The following RBM47 variants were observed in gnomAD, a reference collection of about 807,000 sequenced individuals.
RBM47 encodes the protein RNA binding motif protein 47, also known as RNA-binding protein 47.
RBM47 carries 21 observed loss-of-function variants against 47.1 expected under a neutral mutation model. The ratio of observed to expected loss-of-function variants is 0.45; its 90% CI spans 0.32 to 0.64. The LOEUF (loss-of-function observed/expected upper bound fraction) is 0.64, where lower values mean the gene tolerates loss of function less well. Ranked by LOEUF, RBM47 falls within the 30% of genes least tolerant of loss-of-function variation. The pLI is 0.05. For synonymous variants in RBM47, 375 were observed against 361.7 expected (o/e 1.04, Z -0.42); for missense variants, 708 against 870.9 (o/e 0.81, Z 2.35).
chr4:40,596,851 A>C (rs778137348), intron 1 of RBM47, among the ~76,000 whole-genome samples: 38 of 152,162 alleles, frequency 2.5e-4, no homozygotes, highest in Admixed American at 8.5e-4. Context: ...GGCTTCAGTT[A>C]TCTCTCCAGT....
chr4:40,538,758 C>CACTT (rs1294988905), intron 2 of RBM47, among the ~76,000 whole-genome samples: 5 of 151,982 alleles, frequency 3.3e-5, no homozygotes, highest in African/African-American at 1.2e-4. Context: ...TGCCTCAGCC[C>CACTT]AAGTAGCTGA....
chr4:40,612,953 C>T lies in RBM47; in HGVS notation c.-240+16443G>A, dbSNP rs549452721. Among the ~76,000 whole-genome samples, 65 of 152,296 alleles carry T rather than the reference C, an allele frequency of 4.3e-4. 1 individual carries two copies. The South Asian group carries it at 0.013, about 31-fold the overall frequency. Reference sequence around the variant, plus strand: ...TCTCTCAGCCAGGAACAACTGCAAACACATTTATTTATCTTTCTTCCCCAA... The same window carrying T: ...TCTCTCAGCCAGGAACAACTGCAAATACATTTATTTATCTTTCTTCCCCAA... On this transcript the variant is annotated intron_variant, in intron 1 of 6. Coordinates refer to ENST00000295971, the MANE Select transcript of RBM47 (RefSeq NM_001098634.2).
chr4:40,532,658 TA>T (rs1195044129), intron 2 of RBM47, among the ~76,000 whole-genome samples: 1 of 98,770 alleles, frequency 1.0e-5, no homozygotes, highest in Non-Finnish European at 1.8e-5. Flanking sequence ...TCTTTTTAAA[TA>T]TTTTTTTCCA....
intron 1 of RBM47, among the ~76,000 whole-genome samples, chr4:40,578,476 T>C (rs1732548614): frequency 6.6e-6 from 1 of 152,224 alleles, no homozygotes; most frequent in Non-Finnish European, 1.5e-5. Flanking sequence ...TTTTGACACA[T>C]AGGATTTTCC....
intron 1 of RBM47, among the ~76,000 whole-genome samples, chr4:40,612,850 G>C (rs565859563): frequency 4.9e-4 from 74 of 152,236 alleles, no homozygotes; most frequent in African/African-American, 1.7e-3. Context: ...ATTCACCTAT[G>C]ATCTTCATCC....
intron 1 of RBM47, among the ~76,000 whole-genome samples, chr4:40,619,013 C>T (rs1480898646): frequency 6.6e-6 from 1 of 152,028 alleles, no homozygotes; most frequent in East Asian, 1.9e-4. Flanking sequence ...GCCATCACCA[C>T]ATCTTGCTAT....
chr4:40,508,561 C>G (rs1724437256), intron 2 of RBM47, among the ~76,000 whole-genome samples: 1 of 152,136 alleles, frequency 6.6e-6, no homozygotes, highest in Admixed American at 6.6e-5. Context: ...TGTGGATGAG[C>G]GTCACCGATA....
intron 1 of RBM47, among the ~76,000 whole-genome samples, chr4:40,599,397 T>C (rs935422299): frequency 6.6e-6 from 1 of 152,162 alleles, no homozygotes; most frequent in Middle Eastern, 3.2e-3. Flanking sequence ...CCCATTTAGG[T>C]TGATCCTTAG....
intron 2 of RBM47, among the ~76,000 whole-genome samples, chr4:40,507,793 A>G (rs1724329545): frequency 6.6e-6 from 1 of 152,102 alleles, no homozygotes; most frequent in African/African-American, 2.4e-5. Flanking sequence ...CTCAAAAAAA[A>G]AGTCCAGAGC....
chr4:40,568,784 C>T (rs944354722), intron 1 of RBM47, among the ~76,000 whole-genome samples: 5 of 151,792 alleles, frequency 3.3e-5, no homozygotes, highest in African/African-American at 1.2e-4. Flanking sequence ...AGTTCGAGAC[C>T]AGCCTAACTA....
chr4:40,592,028 G>A (rs1193009332), intron 1 of RBM47, among the ~76,000 whole-genome samples: 3 of 152,042 alleles, frequency 2.0e-5, no homozygotes, highest in Non-Finnish European at 4.4e-5. Context: ...TACCCCTCAG[G>A]AAAAATGCTT....
intron 1 of RBM47, among the ~76,000 whole-genome samples, chr4:40,575,552 C>CA (rs33963787): frequency 0.28 from 27,851 of 98,300 alleles, 6,234 homozygotes; most frequent in African/African-American, 0.6. Flanking sequence ...AACTCCATCT[C>CA]AAAAAAAAAA....
At chr4:40,569,922 G>A (rs1384162922) in intron 1 of RBM47, among the ~76,000 whole-genome samples, 1 of 148,496 alleles carries the variant, frequency 6.7e-6, no homozygotes, top group African/African-American at 2.5e-5. Flanking sequence ...ATGTTGGCCA[G>A]GCTGGTCTCG....
intron 1 of RBM47, among the ~76,000 whole-genome samples, chr4:40,607,962 AG>A (rs1735912783): frequency 6.6e-6 from 1 of 152,014 alleles, no homozygotes; most frequent in South Asian, 2.1e-4. Flanking sequence ...AAAATTGGCC[AG>A]GCATGGCAGC....
chr4:40,482,090 G>A (rs1720515975), intron 2 of RBM47, among the ~76,000 whole-genome samples: 1 of 152,170 alleles, frequency 6.6e-6, no homozygotes, highest in South Asian at 2.1e-4. Context: ...ATCATTAAAT[G>A]TCTGATAATT....
intron 4 of RBM47, chr4:40,437,028 C>G (rs1712573502): frequency 6.8e-6 from 2 of 292,006 alleles, no homozygotes; most frequent in Non-Finnish European, 1.3e-5. Flanking sequence ...TGGCTTGAGC[C>G]CAGGGGTTCA....
chr4:40,607,111 A>G (rs548033090), intron 1 of RBM47, among the ~76,000 whole-genome samples: 54 of 152,276 alleles, frequency 3.5e-4, no homozygotes, highest in African/African-American at 1.3e-3. Context: ...ACATCCATCA[A>G]CTGATGAATG....
chr4:40,550,112 A>T (rs1729423103), intron 1 of RBM47, among the ~76,000 whole-genome samples: 1 of 152,214 alleles, frequency 6.6e-6, no homozygotes, highest in Non-Finnish European at 1.5e-5. Flanking sequence ...AACCCAACAG[A>T]GCTGTCTTGG....
chr4:40,566,386 C>A (rs189041351), intron 1 of RBM47, among the ~76,000 whole-genome samples: 9 of 152,154 alleles, frequency 5.9e-5, no homozygotes, highest in African/African-American at 2.2e-4. Flanking sequence ...GTGGCTCATG[C>A]CTGTAATCCC....
Sources: allele counts gnomAD v4.1 joint callset (sites outside exome capture counted in the v4.1 genomes callset), GRCh38; gene constraint gnomAD v4.1.1; transcripts MANE v1.5; gene names NCBI Gene and HGNC (gene_info 2026-07-23, HGNC 2026-07-21).